The following GLIS3 variants were observed in gnomAD, a reference collection of about 807,000 sequenced individuals.
GLIS3 encodes GLIS family zinc finger 3, also known as zinc finger protein GLIS3.
Under a neutral mutation model 78.6 loss-of-function variants are expected in GLIS3, and 53 were observed. The ratio of observed to expected loss-of-function variants is 0.67; its 90% CI spans 0.54 to 0.85. The LOEUF (loss-of-function observed/expected upper bound fraction) is 0.85, where lower values mean the gene tolerates loss of function less well. Ranked by LOEUF, GLIS3 falls within the 40% of genes least tolerant of loss-of-function variation. The pLI is 0.00. For missense variants in GLIS3, 1,703 were observed against 1,231.1 expected (o/e 1.38, Z -5.74); for synonymous variants, 684 against 509.9 (o/e 1.34, Z -4.60).
At chr9:3,837,478 T>C (rs1043520245) in intron 9 of GLIS3, among the ~76,000 whole-genome samples, 5 of 152,252 alleles carry the variant, frequency 3.3e-5, no homozygotes, top group Non-Finnish European at 5.9e-5. Context: ...TGTATGTTTA[T>C]AGTAGCATTA....
chr9:4,488,733 GTC>G, the GLIS3 span, among the ~76,000 whole-genome samples: 1 of 152,070 alleles, frequency 6.6e-6, no homozygotes, highest in Non-Finnish European at 1.5e-5. Context: ...GGCCAGGCTG[GTC>G]TCGAACTCTT....
At chr9:4,106,852 A>G (rs555389451) in intron 4 of GLIS3, among the ~76,000 whole-genome samples, 1 of 152,312 alleles carries the variant, frequency 6.6e-6, no homozygotes, top group African/African-American at 2.4e-5. Flanking sequence ...ACATGAAGAC[A>G]TCACACACAC....
chr9:4,183,505 CA>C (rs1341761488), intron 2 of GLIS3, among the ~76,000 whole-genome samples: 7 of 152,298 alleles, frequency 4.6e-5, no homozygotes, highest in African/African-American at 1.4e-4. Context: ...CTGAAGGAAG[CA>C]GCGATCCTGA....
chr9:4,481,775 G>A, the GLIS3 span, among the ~76,000 whole-genome samples: 1 of 152,138 alleles, frequency 6.6e-6, no homozygotes, highest in African/African-American at 2.4e-5. Flanking sequence ...TCTAGAGGTA[G>A]AGTGTTTGAG....
At chr9:3,890,220 G>A (rs2130539986) in intron 7 of GLIS3, among the ~76,000 whole-genome samples, 1 of 152,248 alleles carries the variant, frequency 6.6e-6, no homozygotes, top group South Asian at 2.1e-4. Flanking sequence ...GCAGGCAATG[G>A]CACTCTGTAC....
chr9:4,253,421 C>G lies in GLIS3; in HGVS notation c.388+32617G>C, dbSNP rs556728290. ...TGTTTACACTATGAGGGGAAAACCA[C>G]CTACTCAAGCTTCAGTAATGGTGGA... is the stretch of plus-strand genomic sequence containing the variant. On this transcript the variant is annotated intron_variant, in intron 2 of 10. Coordinates refer to ENST00000381971, the MANE Select transcript of GLIS3 (RefSeq NM_001042413.2). 2.6e-5 allele frequency among the ~76,000 whole-genome samples: 4 copies of G among 152,328 alleles called. No individual in the cohort carries two copies. The East Asian group carries it at 7.7e-4, about 29-fold the overall frequency.
chr9:4,330,151 G>A lies in GLIS3; in HGVS notation n.264+16930C>T, dbSNP rs367664898. 2.0e-5 allele frequency among the ~76,000 whole-genome samples: 3 copies of A among 152,108 alleles called. No homozygotes were observed. In the South Asian group the frequency reaches 6.2e-4, roughly 32 times the overall value. The stretch of plus-strand genomic sequence containing the variant: ...CCCAAAACCCACATCAGAAATAATG[G>A]TTTTGAAAGCCAAATCATTTCTGAT... On this transcript the variant is annotated intron_variant and non_coding_transcript_variant, in intron 2 of 4. Coordinates refer to the GLIS3 transcript ENST00000471664.
chr9:4,136,803 G>A (rs1234850305), intron 2 of GLIS3, among the ~76,000 whole-genome samples: 1 of 152,202 alleles, frequency 6.6e-6, no homozygotes, highest in African/African-American at 2.4e-5. Context: ...AATCAGCCCT[G>A]AAGAACTGAT....
At position 3,932,284 on chromosome 9, in the gene GLIS3, C is replaced by G. The variant is rs963192607; in HGVS notation, c.1983+76G>C. 7.9e-6 allele frequency: 9 copies of G among 1,133,298 alleles called. No individual in the cohort carries two copies. In the Admixed American group the frequency reaches 1.0e-4, roughly 13 times the overall value. 70.2% of individuals were successfully genotyped at this position (1,133,298 alleles called of 1,614,324 possible). ...TGAGAAGTATAAGAATTTCAAGTGC[C>G]CTGCAGAAGCTTCGTGTACTACAAG... On this transcript the variant is annotated intron_variant, in intron 6 of 10. Transcript: ENST00000381971.
At chr9:3,954,403 T>C (rs1816948215) in intron 4 of GLIS3, among the ~76,000 whole-genome samples, 1 of 152,232 alleles carries the variant, frequency 6.6e-6, no homozygotes, top group South Asian at 2.1e-4. Flanking sequence ...AGCTACATTC[T>C]CTGTGTTGTC....
intron 2 of GLIS3, among the ~76,000 whole-genome samples, chr9:4,184,516 T>A (rs1385776903): frequency 1.3e-5 from 2 of 152,178 alleles, no homozygotes; most frequent in Non-Finnish European, 1.5e-5. Flanking sequence ...GAGCGCCTAG[T>A]CCTCCGTCCC....
chr9:4,265,897 GTTT>G (rs148160187), intron 2 of GLIS3, among the ~76,000 whole-genome samples: 15 of 120,782 alleles, frequency 1.2e-4, no homozygotes, highest in African/African-American at 5.4e-4. Context: ...ACTCACCCTG[GTTT>G]TTTTTTTGTT....
intron 2 of GLIS3, among the ~76,000 whole-genome samples, chr9:4,141,108 C>T (rs1304319688): frequency 6.6e-6 from 1 of 152,100 alleles, no homozygotes; most frequent in Non-Finnish European, 1.5e-5. Context: ...CCAAATTCAT[C>T]CTCTCTCACA....
chr9:4,209,176 A>AC (rs1820155659), intron 2 of GLIS3, among the ~76,000 whole-genome samples: 1 of 151,900 alleles, frequency 6.6e-6, no homozygotes, highest in African/African-American at 2.4e-5. Context: ...ATCTAACCCA[A>AC]CCCCCTCATC....
chr9:4,417,972 G>T, the GLIS3 span, among the ~76,000 whole-genome samples: 9 of 152,260 alleles, frequency 5.9e-5, no homozygotes, highest in African/African-American at 2.2e-4. Context: ...TTTTTGTGAG[G>T]AAACTTTGCA....
intron 9 of GLIS3, 101 bp from the exon 10 acceptor site, chr9:3,829,593 C>T (rs1588041705): frequency 8.2e-7 from 1 of 1,225,276 alleles, no homozygotes; most frequent in Non-Finnish European, 1.2e-6. Flanking sequence ...CTTCCTAAGA[C>T]AAATGCCTTT....
At chr9:4,143,957 G>A (rs1024231951) in intron 2 of GLIS3, among the ~76,000 whole-genome samples, 1 of 152,240 alleles carries the variant, frequency 6.6e-6, no homozygotes, top group Non-Finnish European at 1.5e-5. Context: ...AGAAAGAAAA[G>A]AGAATAGACG....
the GLIS3 span, among the ~76,000 whole-genome samples, chr9:4,457,691 CAA>C: frequency 6.7e-6 from 1 of 149,768 alleles, no homozygotes; most frequent in South Asian, 2.1e-4. Context: ...ACTAAAAATA[CAA>C]AAAAAAATTA....
chr9:4,485,607 C>G, the GLIS3 span, among the ~76,000 whole-genome samples: 5,427 of 152,242 alleles, frequency 0.036, 181 homozygotes, highest in Non-Finnish European at 0.051. Context: ...AATTAAGCTC[C>G]ATCTTTACAA....
Sources: allele counts gnomAD v4.1 joint callset (sites outside exome capture counted in the v4.1 genomes callset), GRCh38; gene constraint gnomAD v4.1.1; transcripts MANE v1.5; gene names NCBI Gene and HGNC (gene_info 2026-07-23, HGNC 2026-07-21).